The following ROBO2 variants were observed in gnomAD, a reference collection of about 807,000 sequenced individuals.
ROBO2 encodes the protein roundabout homolog 2.
ROBO2 carries 53 observed loss-of-function variants against 160.8 expected under a neutral mutation model. That is an observed-to-expected ratio of 0.33 (90% CI 0.26 to 0.41). The LOEUF (loss-of-function observed/expected upper bound fraction) is 0.41, where lower values mean the gene tolerates loss of function less well. Ranked by LOEUF, ROBO2 falls within the 10% of genes least tolerant of loss-of-function variation. ROBO2 has a pLI of 1.00. For synonymous variants in ROBO2, 664 were observed against 611.7 expected (o/e 1.09, Z -1.26); for missense variants, 1,577 against 1,722.4 (o/e 0.92, Z 1.49).
chr3:77,489,207 T>C (rs1022079530), intron 4 of ROBO2, among the ~76,000 whole-genome samples: 1 of 152,234 alleles, frequency 6.6e-6, no homozygotes, highest in Admixed American at 6.5e-5. Flanking sequence ...GTGTCATGTA[T>C]GTGCAGGCGA....
At chr3:76,584,552 C>T (rs1478721583) in intron 2 of ROBO2, among the ~76,000 whole-genome samples, 1 of 152,068 alleles carries the variant, frequency 6.6e-6, no homozygotes, top group African/African-American at 2.4e-5. Context: ...GACAGCCATC[C>T]ACAGCCAAAA....
chr3:77,374,350 G>T (rs192133211), intron 2 of ROBO2, among the ~76,000 whole-genome samples: 58 of 152,080 alleles, frequency 3.8e-4, no homozygotes, highest in African/African-American at 1.4e-3. Flanking sequence ...AAGTTGAAGT[G>T]ACTAGACTAA....
At chr3:76,370,960 T>A (rs2076070131) in intron 2 of ROBO2, among the ~76,000 whole-genome samples, 2 of 151,838 alleles carry the variant, frequency 1.3e-5, no homozygotes, top group Non-Finnish European at 2.9e-5. Flanking sequence ...AGCATCCCCA[T>A]GATAACCTAT....
rs149601848 is a variant in ROBO2 at position 77,117,946 on chromosome 3, T to C, written c.388+19606T>C. On this transcript the variant is annotated intron_variant, in intron 2 of 25. Transcript: ENST00000461745. The stretch of plus-strand genomic sequence containing the variant: ...TAAACTGATAAGAACTTAGAAATGT[T>C]ACCTTTGTTCACAAAATAAGGATTG... Among the ~76,000 whole-genome samples the C allele has an allele frequency of 2.5e-3, 387 of 152,332 alleles. 2 individuals carry two copies. Among genetic ancestry groups the C allele is most frequent in the Middle Eastern group, 0.01 (3 of 294 alleles).
chr3:76,210,363 GA>G (rs1156881867), intron 2 of ROBO2, among the ~76,000 whole-genome samples: 1 of 152,004 alleles, frequency 6.6e-6, no homozygotes, highest in African/African-American at 2.4e-5. Context: ...CTAGCCGTCT[GA>G]AAAAGAATAT....
At position 75,973,765 on chromosome 3, in the gene ROBO2, T is replaced by C. The variant is rs62267176; in HGVS notation, c.109+36163T>C. Among the ~76,000 whole-genome samples, 4 of 151,524 alleles carry C rather than the reference T, an allele frequency of 2.6e-5. No individual in the cohort carries two copies. In the South Asian group the frequency reaches 8.3e-4, roughly 31 times the overall value. ...GAAAGGAGCTAAGTAGCAGAGGGAATGGGTGATACGAAGTTTTAGATGGAG... is the reference window on the plus strand; with the variant it reads ...GAAAGGAGCTAAGTAGCAGAGGGAACGGGTGATACGAAGTTTTAGATGGAG... On this transcript the variant is annotated intron_variant, in intron 2 of 26. Coordinates refer to the ROBO2 transcript ENST00000487694.
intron 2 of ROBO2, among the ~76,000 whole-genome samples, chr3:76,747,565 C>T (rs2093914259): frequency 6.6e-6 from 1 of 151,780 alleles, no homozygotes. Flanking sequence ...AATGAAACTG[C>T]ATGTGAATGG....
intron 2 of ROBO2, among the ~76,000 whole-genome samples, chr3:76,119,921 CCTTCCTT>C (rs1559566752): frequency 0.064 from 2,720 of 42,700 alleles, 125 homozygotes; most frequent in African/African-American, 0.093. Flanking sequence ...TCCCTCCCTT[CCTTCCTT>C]CCTTCCTTCC....
intron 2 of ROBO2, among the ~76,000 whole-genome samples, chr3:76,004,909 T>G (rs964004918): frequency 6.6e-6 from 1 of 152,192 alleles, no homozygotes; most frequent in African/African-American, 2.4e-5. Context: ...CCAAAAGGCA[T>G]GTGTTGAAAC....
chr3:76,454,392 A>C (rs1254731339), intron 2 of ROBO2, among the ~76,000 whole-genome samples: 4 of 152,220 alleles, frequency 2.6e-5, no homozygotes, highest in African/African-American at 7.2e-5. Flanking sequence ...AAGCATCATT[A>C]GCATAGATGG....
intron 2 of ROBO2, among the ~76,000 whole-genome samples, chr3:76,738,712 C>T (rs185918572): frequency 6.6e-6 from 1 of 151,834 alleles, no homozygotes; most frequent in East Asian, 1.9e-4. Flanking sequence ...ATGATATGGC[C>T]GAGTGAATGA....
intron 2 of ROBO2, among the ~76,000 whole-genome samples, chr3:76,638,439 A>G (rs2090456287): frequency 6.6e-6 from 1 of 152,198 alleles, no homozygotes; most frequent in Admixed American, 6.5e-5. Flanking sequence ...GCTCCAGAAT[A>G]TCAAATTAGG....
chr3:76,505,103 CAG>C (rs1053677260), intron 2 of ROBO2, among the ~76,000 whole-genome samples: 9 of 152,018 alleles, frequency 5.9e-5, no homozygotes, highest in African/African-American at 1.2e-4. Flanking sequence ...TTGAAAAAAA[CAG>C]TATCAATATA....
chr3:77,227,161 C>T (rs140811677), intron 2 of ROBO2, among the ~76,000 whole-genome samples: 4 of 151,806 alleles, frequency 2.6e-5, no homozygotes, highest in Non-Finnish European at 5.9e-5. Flanking sequence ...ACAAAGGTAC[C>T]TTTTCTTAGT....
chr3:76,363,010 C>T (rs2075610210), intron 2 of ROBO2, among the ~76,000 whole-genome samples: 1 of 151,996 alleles, frequency 6.6e-6, no homozygotes, highest in Non-Finnish European at 1.5e-5. Flanking sequence ...TTTTTACAGC[C>T]TGCCATCTGA....
At chr3:76,900,272 G>A (rs534031826) in intron 2 of ROBO2, among the ~76,000 whole-genome samples, 5 of 152,238 alleles carry the variant, frequency 3.3e-5, no homozygotes, top group African/African-American at 1.2e-4. Context: ...GATTTGGGTG[G>A]GGACGTAAAG....
At position 76,562,924 on chromosome 3, in the gene ROBO2, CTTTCTTTCT is replaced by C. The variant is rs1323477124; in HGVS notation, c.110-535078_110-535070del. On this transcript the variant is annotated intron_variant, in intron 2 of 26. Transcript: ENST00000487694. ...CCTTCCTTCCTTCCTTCCTCCCTCC[CTTTCTTTCT>C]TTTCTTTCTTTCTCCTTCCTTCCTT... Among the ~76,000 whole-genome samples the C allele has an allele frequency of 1.2e-4, 19 of 152,098 alleles. No individual in the cohort carries two copies. The South Asian group carries it at 1.9e-3, about 15-fold the overall frequency.
chr3:77,253,735 T>C (rs560974864), intron 2 of ROBO2, among the ~76,000 whole-genome samples: 7 of 152,288 alleles, frequency 4.6e-5, no homozygotes, highest in Admixed American at 2.0e-4. Flanking sequence ...AATATTTGGG[T>C]CATTTCCATA....
intron 2 of ROBO2, among the ~76,000 whole-genome samples, chr3:77,298,654 C>G (rs1208360569): frequency 5.3e-5 from 8 of 152,110 alleles, no homozygotes; most frequent in Non-Finnish European, 8.8e-5. Context: ...TCACAGCTGA[C>G]TAACAGCAAG....
Sources: allele counts gnomAD v4.1 joint callset (sites outside exome capture counted in the v4.1 genomes callset), GRCh38; gene constraint gnomAD v4.1.1; transcripts MANE v1.5; gene names NCBI Gene and HGNC (gene_info 2026-07-23, HGNC 2026-07-21).